The following EHBP1L1 variants were observed in gnomAD, a reference collection of about 807,000 sequenced individuals.
EHBP1L1 encodes EH domain binding protein 1 like 1, also known as EH domain-binding protein 1-like protein 1.
Under a neutral mutation model 151.1 loss-of-function variants are expected in EHBP1L1, and 122 were observed. The ratio of observed to expected loss-of-function variants is 0.81; its 90% CI spans 0.70 to 0.94. The LOEUF (loss-of-function observed/expected upper bound fraction) is 0.94. EHBP1L1 is among the 40% of genes least tolerant of loss of function. EHBP1L1 has a pLI of 0.00. For missense variants in EHBP1L1, 1,941 were observed against 1,959.8 expected (o/e 0.99, Z 0.18); for synonymous variants, 878 against 810.1 (o/e 1.08, Z -1.42).
rs567467176 is a variant in EHBP1L1 at position 65,579,113 on chromosome 11, G to C, written c.140G>C (p.Arg47Pro). 4 of 1,595,174 alleles carry C rather than the reference G, an allele frequency of 2.5e-6. No homozygotes were observed. Among genetic ancestry groups the C allele is most frequent in the Non-Finnish European group, 2.6e-6 (3 of 1,171,150 alleles). ...AAGCTGGTGGTGGTATGGACCCGTCGGAACCGACGCATCTGCTCCAAGGTG... is the reference window on the plus strand; with the variant it reads ...AAGCTGGTGGTGGTATGGACCCGTCCGAACCGACGCATCTGCTCCAAGGTG... ...PDKLVVVWTR[R>P]NRRICSKAHS... Residue 47 changes from arginine to proline, a missense_variant, in exon 2 of 19, where the codon CGG becomes CCG. Transcript: ENST00000309295.
intron 5 of EHBP1L1, 38 bp downstream of exon 5, chr11:65,580,297 A>C: frequency 6.2e-7 from 1 of 1,613,092 alleles, no homozygotes; most frequent in Non-Finnish European, 8.5e-7. Context: ...CTGGCCTGTG[A>C]CCTCTGACTC....
rs138138181 is a variant in EHBP1L1, at chr11:65,591,929, C to CA, written c.4358-46dup. 4,037 of 1,606,906 alleles carry CA rather than the reference C, an allele frequency of 2.5e-3. 87 individuals are homozygous for CA. In the African/African-American group the frequency reaches 0.045, roughly 18 times the overall value. On this transcript the variant is annotated intron_variant, in intron 17 of 18. Coordinates refer to ENST00000309295, the MANE Select transcript of EHBP1L1 (RefSeq NM_001099409.3). ...AGACAGAGCCAGGGTGGAGGCGGCA[C>CA]AGCCCTGGGCCCGCGCCTCCTGACG...
chr11:65,586,807 C>T (rs547978589), intron 12 of EHBP1L1, among the ~76,000 whole-genome samples: 1 of 152,368 alleles, frequency 6.6e-6, no homozygotes, highest in South Asian at 2.1e-4. Context: ...CTGTTGGCCT[C>T]ATTAATGTGT....
At chr11:65,586,336 T>C (rs922000545) in intron 12 of EHBP1L1, among the ~76,000 whole-genome samples, 1 of 152,232 alleles carries the variant, frequency 6.6e-6, no homozygotes, top group African/African-American at 2.4e-5. Context: ...ACACGGGCTT[T>C]CCAGCTGGAG....
intron 3 of EHBP1L1, 45 bp from the exon 4 acceptor site, chr11:65,579,891 C>G: frequency 6.2e-7 from 1 of 1,600,264 alleles, no homozygotes; most frequent in Non-Finnish European, 8.6e-7. Context: ...GCTCCCTTTG[C>G]TGCTGCCCCA....
chr11:65,582,511 A>C lies in EHBP1L1; in HGVS notation c.1839A>C (p.Ala613=), dbSNP rs1358586761. The C allele has an allele frequency of 1.9e-6, 3 of 1,613,232 alleles. No homozygotes were observed. The highest frequency in any genetic ancestry group is 2.5e-6 in the Non-Finnish European group (3 of 1,179,838). ...EILGALEKEA[A]RSRVLESEVA... is the part of the protein sequence containing the mutation. ...TGGGGGCCTTGGAGAAAGAAGCAGC[A>C]AGATCAAGGGTCCTGGAGTCAGAGG... is the stretch of plus-strand genomic sequence containing the variant. Residue 613 remains alanine, a synonymous_variant, in exon 9 of 19, where the codon GCA becomes GCC. Transcript: ENST00000309295.
chr11:65,576,684 G>A (rs1441559479), intron 1 of EHBP1L1, among the ~76,000 whole-genome samples: 1 of 152,200 alleles, frequency 6.6e-6, no homozygotes, highest in African/African-American at 2.4e-5. Context: ...CTGCGGTCAG[G>A]GCTGGGGGAG....
chr11:65,591,766 A>AG, intron 16 of EHBP1L1, 34 bp from the exon 17 acceptor site: 14 of 806,784 alleles, frequency 1.7e-5, no homozygotes, highest in South Asian at 5.9e-5. Context: ...CTGAACTGCC[A>AG]CCCCCCCGCC....
rs750971360 is a variant in EHBP1L1, at chr11:65,586,904, C to T, written c.3933+1313C>T. On this transcript the variant is annotated intron_variant, in intron 12 of 18. Coordinates refer to ENST00000309295, the MANE Select transcript of EHBP1L1 (RefSeq NM_001099409.3). ...GGTGTTTCCAAGTCAGGCCTTCCCC[C>T]AGCTCTTGTCTCACAGGAGATATCT... is the stretch of plus-strand genomic sequence containing the variant. Among the ~76,000 whole-genome samples, 8 of 152,342 alleles carry T rather than the reference C, an allele frequency of 5.3e-5. No individual in the cohort carries two copies. The South Asian group carries it at 8.3e-4, about 16-fold the overall frequency.
chr11:65,583,910 CCT>C, intron 9 of EHBP1L1, 145 bp downstream of exon 9: 4 of 1,418,500 alleles, frequency 2.8e-6, no homozygotes, highest in African/African-American at 1.4e-5. Context: ...CTCATCCCCT[CCT>C]CTCTCAGGAT....
At chr11:65,580,316 C>G (rs1197183276) in intron 5 of EHBP1L1, 21 bp from the exon 6 acceptor site, 1 of 1,613,608 alleles carries the variant, frequency 6.2e-7, no homozygotes, top group Admixed American at 1.7e-5. Context: ...TCCACCCTCA[C>G]CTTTAACCTC....
rs771461354 is a variant in EHBP1L1 at position 65,580,458 on chromosome 11, C to G, written c.613C>G (p.Arg205Gly). 6.2e-6 allele frequency: 10 copies of G among 1,612,618 alleles called. No individual in the cohort carries two copies. In the South Asian group the frequency reaches 9.9e-5, roughly 16 times the overall value. ...TCATGGCCCAGGAGCCCCGGAGGCC[C>G]GGGCTCGAGTCCCCCAGCCAGGTGG... Reference protein sequence around the residue: ...EAHGPGAPEARARVPQPDPSR... With the variant: ...EAHGPGAPEAGARVPQPDPSR... Residue 205 changes from arginine (R) to glycine (G), a missense_variant, in exon 6 of 19, where the codon CGG becomes GGG. Physicochemically the swap from Arg to Gly is moderately radical, Grantham distance 125. Coordinates refer to ENST00000309295, the MANE Select transcript of EHBP1L1 (RefSeq NM_001099409.3).
chr11:65,582,555 G>T lies in EHBP1L1; in HGVS notation c.1883G>T (p.Cys628Phe), dbSNP rs2135268486. 1.2e-6 allele frequency: 2 copies of T among 1,613,464 alleles called. No individual in the cohort carries two copies. Among genetic ancestry groups the T allele is most frequent in the Non-Finnish European group, 1.7e-6 (2 of 1,179,834 alleles). ...LESEVAGTAQ[C>F]EGLETQETEV... is the part of the protein sequence containing the mutation. ...TCAGAGGTTGCTGGGACAGCACAGT[G>T]TGAGGGACTGGAGACCCAGGAAACA... Residue 628 changes from cysteine (C) to phenylalanine (F), a missense_variant, in exon 9 of 19, where the codon TGT becomes TTT. Physicochemically the swap from Cys to Phe is radical, Grantham distance 205 (BLOSUM62 -2). Transcript: ENST00000309295.
chr11:65,586,931 A>C (rs1857999309), intron 12 of EHBP1L1, among the ~76,000 whole-genome samples: 1 of 152,120 alleles, frequency 6.6e-6, no homozygotes, highest in Non-Finnish European at 1.5e-5. Flanking sequence ...GAGATATCTG[A>C]CCCATAGGGC....
chr11:65,582,675 C>G lies in EHBP1L1; in HGVS notation c.2003C>G (p.Thr668Ser), dbSNP rs202197527. 78 of 1,613,428 alleles carry G rather than the reference C, an allele frequency of 4.8e-5. No homozygotes were observed. The highest frequency in any genetic ancestry group is 6.4e-5 in the Non-Finnish European group (75 of 1,179,848). ...AGGSGVLQTRTTIAETEVLVT... is the reference protein window; with the variant it reads ...AGGSGVLQTRSTIAETEVLVT... ...GGTTCAGGAGTTTTGCAGACAAGAA[C>G]TACGATAGCAGAGACTGAGGTACTG... The change falls in exon 9 of 19, where the codon ACT (threonine) becomes AGT (serine). Residue 668 changes from threonine to serine, a missense_variant. Transcript: ENST00000309295.
chr11:65,581,555 GCCCAGGACACGGCCCCCAC>G lies in EHBP1L1; in HGVS notation c.889_907del (p.Asp297ProfsTer130). ...TCTTCTCAGGTCTTCAAGGCAGCCA[GCCCAGGACACGGCCCCCAC>G]CCCAGCCCCTCGGCTCCGGAAAGGC... On this transcript the variant is annotated frameshift_variant, in exon 9 of 19. Coordinates refer to ENST00000309295, the MANE Select transcript of EHBP1L1 (RefSeq NM_001099409.3). LOFTEE classifies it high-confidence loss of function. 6.7e-7 allele frequency: 1 copy of G among 1,502,940 alleles called. No individual in the cohort carries two copies. The highest frequency in any genetic ancestry group is 8.9e-7 in the Non-Finnish European group (1 of 1,127,582). The allele number at this position is 1,502,940 out of a possible 1,614,324, so 93.1% of individuals were successfully genotyped here. A position where few individuals can be genotyped will look rare whatever the true frequency, so the allele number is the denominator to read the frequency against.
At position 65,581,555 on chromosome 11, in the gene EHBP1L1, G is replaced by C. The variant is rs1249118830; in HGVS notation, c.883G>C (p.Ala295Pro). ...SPEMRSSRQPAQDTAPTPAPR... is the reference protein window; with the variant it reads ...SPEMRSSRQPPQDTAPTPAPR... Reference sequence around the variant, plus strand: ...TCTTCTCAGGTCTTCAAGGCAGCCAGCCCAGGACACGGCCCCCACCCCAGC... The same window carrying C: ...TCTTCTCAGGTCTTCAAGGCAGCCACCCCAGGACACGGCCCCCACCCCAGC... Residue 295 changes from alanine to proline, a missense_variant, in exon 9 of 19, where the codon GCC becomes CCC. By Grantham distance (27) the Ala-to-Pro change is conservative. Transcript: ENST00000309295. The C allele has an allele frequency of 6.7e-7, 1 of 1,502,818 alleles. No homozygotes were observed. The highest frequency in any genetic ancestry group is 8.9e-7 in the Non-Finnish European group (1 of 1,127,588). 93.1% of individuals were successfully genotyped at this position (1,502,818 alleles called of 1,614,324 possible).
At chr11:65,580,032 C>G (rs1390594855) in intron 4 of EHBP1L1, 43 bp downstream of exon 4, 1 of 1,613,550 alleles carries the variant, frequency 6.2e-7, no homozygotes, top group African/African-American at 1.3e-5. Flanking sequence ...CTTGGGGACC[C>G]TGGGACAGCA....
At position 65,583,469 on chromosome 11, in the gene EHBP1L1, A is replaced by C. The variant is rs1204481242; in HGVS notation, c.2797A>C (p.Arg933=). ...GVQGSETQVL[R]VQEAEAGVWG... ...ACAAGGGTCAGAGACTCAAGTTCTG[A>C]GAGTCCAGGAGGCAGAGGCTGGGGT... Residue 933 remains arginine, a synonymous_variant, in exon 9 of 19, where the codon AGA becomes CGA. Transcript: ENST00000309295. 2 of 1,613,382 alleles carry C rather than the reference A, an allele frequency of 1.2e-6. No individual in the cohort carries two copies. Among genetic ancestry groups the C allele is most frequent in the Admixed American group, 3.3e-5 (2 of 59,976 alleles).
Sources: allele counts gnomAD v4.1 joint callset (sites outside exome capture counted in the v4.1 genomes callset), GRCh38; gene constraint gnomAD v4.1.1; transcripts MANE v1.5; gene names NCBI Gene and HGNC (gene_info 2026-07-23, HGNC 2026-07-21).